SLC8A1: variants seen among roughly 807,000 people sequenced by gnomAD.
SLC8A1 encodes the protein solute carrier family 8 member A1.
In SLC8A1, 18 loss-of-function variants were observed where a neutral mutation model predicts 68.3. That is an observed-to-expected ratio of 0.26 (90% CI 0.18 to 0.39). SLC8A1 has a LOEUF of 0.39. Among genes scored for constraint, SLC8A1 ranks in the 10% least tolerant of loss-of-function variants. The pLI is 1.00. For missense variants in SLC8A1, 985 were observed against 1,156.7 expected, an observed-to-expected ratio of 0.85 and a Z score of 2.15; for synonymous variants, 475 against 415.5, an observed-to-expected ratio of 1.14 and a Z score of -1.74.
intron 3 of SLC8A1, among the ~76,000 whole-genome samples, chr2:40,177,050 T>A (rs200269764): frequency 1.2e-3 from 11 of 9,218 alleles, no homozygotes; most frequent in Non-Finnish European, 5.0e-3. Context: ...TTATTTTTTC[T>A]TTTTTTTATA....
intron 2 of SLC8A1, among the ~76,000 whole-genome samples, chr2:40,299,548 T>C (rs1029720329): frequency 1.1e-4 from 16 of 152,040 alleles, no homozygotes; most frequent in Non-Finnish European, 2.1e-4. Context: ...AAGTGACAAA[T>C]TGCTGGCTCA....
At chr2:40,363,762 G>C (rs1017992143) in intron 2 of SLC8A1, among the ~76,000 whole-genome samples, 6 of 151,998 alleles carry the variant, frequency 3.9e-5, no homozygotes, top group African/African-American at 1.4e-4. Flanking sequence ...GTTGTTATGA[G>C]GACTGTGCCT....
intron 1 of SLC8A1, among the ~76,000 whole-genome samples, chr2:40,486,521 T>A (rs1250251240): frequency 6.6e-6 from 1 of 152,142 alleles, no homozygotes; most frequent in Non-Finnish European, 1.5e-5. Flanking sequence ...TAACAAATAA[T>A]TTTCATACTC....
chr2:40,453,486 G>C (rs1326450147), upstream of SLC8A1: 1 of 152,204 alleles, frequency 6.6e-6, no homozygotes, highest in Non-Finnish European at 1.5e-5. Flanking sequence ...CAAAGAGGGG[G>C]CGGAATGGAA....
intron 2 of SLC8A1, among the ~76,000 whole-genome samples, chr2:40,242,135 T>G (rs2061305643): frequency 6.6e-6 from 1 of 151,656 alleles, no homozygotes; most frequent in Non-Finnish European, 1.5e-5. Flanking sequence ...GAGAAGGATG[T>G]GTGTGTGTGT....
chr2:40,474,081 A>G (rs1347500781), intron 1 of SLC8A1, among the ~76,000 whole-genome samples: 1 of 152,154 alleles, frequency 6.6e-6, no homozygotes, highest in African/African-American at 2.4e-5. Flanking sequence ...TGTAGTGCAA[A>G]TGTTGAGAAC....
At chr2:40,110,991 C>CCT in exon 8 of SLC8A1, 1 of 152,074 alleles carries the variant, frequency 6.6e-6, no homozygotes, top group East Asian at 1.9e-4. Flanking sequence ...TGAATCAAGA[C>CCT]CCCTGTGGAA....
At chr2:40,412,764 A>T (rs1028177511) in intron 2 of SLC8A1, among the ~76,000 whole-genome samples, 8 of 152,326 alleles carry the variant, frequency 5.3e-5, no homozygotes, top group Admixed American at 2.0e-4. Flanking sequence ...TTATCATGAT[A>T]AGCTCAACTA....
At chr2:40,423,074 C>T (rs1352062658) in intron 2 of SLC8A1, among the ~76,000 whole-genome samples, 1 of 152,048 alleles carries the variant, frequency 6.6e-6, no homozygotes, top group Non-Finnish European at 1.5e-5. Flanking sequence ...AATAGCAATC[C>T]TTTAAAGGAT....
intron 2 of SLC8A1, among the ~76,000 whole-genome samples, chr2:40,419,498 C>A (rs1242250640): frequency 1.3e-5 from 2 of 151,956 alleles, no homozygotes; most frequent in Non-Finnish European, 2.9e-5. Context: ...CTTTCTCTGC[C>A]TACCTCTCCT....
chr2:40,378,197 A>G (rs1031669821), intron 2 of SLC8A1, among the ~76,000 whole-genome samples: 1 of 152,142 alleles, frequency 6.6e-6, no homozygotes, highest in African/African-American at 2.4e-5. Flanking sequence ...TTTCATATTG[A>G]TAAGTGCTCA....
chr2:40,212,815 C>T (rs2056846868), intron 2 of SLC8A1, among the ~76,000 whole-genome samples: 1 of 152,156 alleles, frequency 6.6e-6, no homozygotes, highest in Non-Finnish European at 1.5e-5. Context: ...CCTGTTTGTG[C>T]AACAGTGCTG....
chr2:40,112,715 G>C (rs1179212450), exon 8 of SLC8A1: 4 of 151,882 alleles, frequency 2.6e-5, no homozygotes, highest in Non-Finnish European at 4.4e-5. Context: ...GAATTGTAAA[G>C]TGTGGGCCAT....
rs140187195 is a variant in SLC8A1, at chr2:40,481,225, A to G, written c.-25+31124T>C. On this transcript the variant is annotated intron_variant, in intron 1 of 7. Coordinates refer to the SLC8A1 transcript ENST00000402441. ...ACCATAGGGAGGAATGGATATAAAA[A>G]AGGTGATTAATTAGTTCTGTGGCAT... Among the ~76,000 whole-genome samples the G allele has an allele frequency of 3.9e-3, 601 of 152,324 alleles. 3 individuals are homozygous for G. The highest frequency in any genetic ancestry group is 0.014 in the African/African-American group (577 of 41,570).
At chr2:40,502,098 C>A (rs1320706759) in intron 1 of SLC8A1, among the ~76,000 whole-genome samples, 2 of 152,006 alleles carry the variant, frequency 1.3e-5, no homozygotes, top group Non-Finnish European at 2.9e-5. Context: ...TCTTTCTAGG[C>A]CAATGGATAT....
intron 2 of SLC8A1, chr2:40,177,876 G>C: frequency 6.8e-7 from 1 of 1,476,834 alleles, no homozygotes; most frequent in South Asian, 1.2e-5. Context: ...ACAAGACAAA[G>C]GCAAAACAAA....
At chr2:40,117,934 C>G (rs926028391) in intron 7 of SLC8A1, among the ~76,000 whole-genome samples, 1 of 152,190 alleles carries the variant, frequency 6.6e-6, no homozygotes, top group African/African-American at 2.4e-5. Flanking sequence ...ACTGCATCTG[C>G]AGTATGACAT....
chr2:40,363,898 G>GTTTA (rs1675294787), intron 2 of SLC8A1, among the ~76,000 whole-genome samples: 2 of 151,824 alleles, frequency 1.3e-5, no homozygotes, highest in Admixed American at 1.3e-4. Context: ...TCCAAGGGAG[G>GTTTA]TTTATTTATT....
intron 2 of SLC8A1, among the ~76,000 whole-genome samples, chr2:40,298,687 T>G (rs1438089875): frequency 1.3e-5 from 2 of 152,138 alleles, no homozygotes; most frequent in African/African-American, 4.8e-5. Context: ...CGCTAACTTG[T>G]AAAATGGTAA....
Sources: gnomAD v4.1 joint callset for allele counts (sites outside exome capture counted in the v4.1 genomes callset) on GRCh38, gnomAD v4.1.1 for gene constraint, MANE v1.5 for transcripts, NCBI Gene and HGNC (gene_info 2026-07-23, HGNC 2026-07-21) for gene names.